MDGA2: variants seen among roughly 807,000 people sequenced by gnomAD.
MDGA2 encodes the protein MAM domain-containing glycosylphosphatidylinositol anchor protein 2.
In MDGA2, 40 loss-of-function variants were observed where a neutral mutation model predicts 117.8. That is an observed-to-expected ratio of 0.34 (90% CI 0.26 to 0.44). The LOEUF (loss-of-function observed/expected upper bound fraction) is 0.44, where lower values mean the gene tolerates loss of function less well. Ranked by LOEUF, MDGA2 falls within the 20% of genes least tolerant of loss-of-function variation. MDGA2 has a pLI of 1.00. For synonymous variants in MDGA2, 452 were observed against 439.0 expected, an observed-to-expected ratio of 1.03 and a Z score of -0.37; for missense variants, 1,123 against 1,250.6, an observed-to-expected ratio of 0.90 and a Z score of 1.54.
Position 47,240,612 on chromosome 14 carries a change from A to G in MDGA2, c.421-22417T>C, listed in dbSNP as rs558740341. ...ACGTGGTATGGGAGTGGAGAGAAAAAGAAGTATTTGAAAAGAAGTCTCAGA... is the reference window on the plus strand; with the variant it reads ...ACGTGGTATGGGAGTGGAGAGAAAAGGAAGTATTTGAAAAGAAGTCTCAGA... On this transcript the variant is annotated intron_variant, in intron 2 of 16. Coordinates refer to ENST00000399232, the MANE Select transcript of MDGA2 (RefSeq NM_001113498.3). 2.6e-5 allele frequency among the ~76,000 whole-genome samples: 4 copies of G among 151,892 alleles called. 1 individual carries two copies. The highest frequency in any genetic ancestry group is 5.9e-5 in the Non-Finnish European group (4 of 67,836).
chr14:47,123,556 C>T (rs1881754281), intron 5 of MDGA2, among the ~76,000 whole-genome samples: 1 of 151,918 alleles, frequency 6.6e-6, no homozygotes, highest in Admixed American at 6.6e-5. Flanking sequence ...ACAACCACAA[C>T]CTTGCAAGTT....
chr14:46,917,344 C>T (rs1057328549), intron 10 of MDGA2, among the ~76,000 whole-genome samples: 2 of 152,088 alleles, frequency 1.3e-5, no homozygotes. Flanking sequence ...TAAGAATTGC[C>T]ATAACTGTTT....
At position 47,165,955 on chromosome 14, in the gene MDGA2, A is replaced by G. The variant is rs563542673; in HGVS notation, c.596-21681T>C. Among the ~76,000 whole-genome samples the G allele has an allele frequency of 8.6e-5, 13 of 151,406 alleles. No homozygotes were observed. The South Asian group carries it at 2.3e-3, about 27-fold the overall frequency. ...TAGTGGCTAAATATGAGATAATTCC[A>G]TTTTTTGAAGGCTCATATACACCTA... is the stretch of plus-strand genomic sequence containing the variant. On this transcript the variant is annotated intron_variant, in intron 3 of 16. Coordinates refer to ENST00000399232, the MANE Select transcript of MDGA2 (RefSeq NM_001113498.3).
At chr14:47,034,898 A>T (rs1453078540) in intron 8 of MDGA2, 113 bp downstream of exon 8, 1 of 895,462 alleles carries the variant, frequency 1.1e-6, no homozygotes, top group Non-Finnish European at 1.7e-6. Context: ...GTAGAAATGT[A>T]GAAATAGTTC....
chr14:47,083,160 A>G (rs1052773153), intron 6 of MDGA2, among the ~76,000 whole-genome samples: 2 of 151,992 alleles, frequency 1.3e-5, no homozygotes, highest in South Asian at 2.1e-4. Flanking sequence ...AAAAGTAAAT[A>G]TCTGCAGAAA....
At chr14:47,164,043 T>C (rs1468588358) in intron 3 of MDGA2, among the ~76,000 whole-genome samples, 7 of 152,246 alleles carry the variant, frequency 4.6e-5, no homozygotes, top group African/African-American at 1.7e-4. Flanking sequence ...AGCAATTCTA[T>C]AAAGTTCACT....
Position 47,097,035 on chromosome 14 carries a change from T to G in MDGA2, c.1014A>C (p.Gly338=). The G allele has an allele frequency of 1.2e-6, 2 of 1,613,360 alleles. No individual in the cohort carries two copies. The highest frequency in any genetic ancestry group is 1.7e-6 in the Non-Finnish European group (2 of 1,179,490). The stretch of plus-strand genomic sequence containing the variant: ...CCCAGGTGAGAGAAGGTGCAGGCTC[T>G]CCTCCTGTTGTAACACATACTAATG... ...AITLVCVTTG[G]EPAPSLTWVR... The change falls in exon 6 of 17, where the codon GGA becomes GGC. Residue 338 remains glycine (G), a synonymous_variant. Transcript: ENST00000399232.
intron 8 of MDGA2, among the ~76,000 whole-genome samples, chr14:46,980,955 C>T (rs192650733): frequency 4.4e-4 from 67 of 152,292 alleles, no homozygotes; most frequent in African/African-American, 1.4e-3. Flanking sequence ...TGGAACTGAA[C>T]TCCCAATATC....
chr14:47,350,318 T>C (rs565539262), intron 1 of MDGA2, among the ~76,000 whole-genome samples: 67 of 152,238 alleles, frequency 4.4e-4, no homozygotes, highest in African/African-American at 1.5e-3. Context: ...GGTGGAGTAA[T>C]ATTAAAGTAA....
At chr14:47,056,076 T>G (rs891795072) in intron 7 of MDGA2, among the ~76,000 whole-genome samples, 6 of 152,160 alleles carry the variant, frequency 3.9e-5, no homozygotes, top group African/African-American at 1.4e-4. Context: ...GTCTTATGAC[T>G]TCTACTTACA....
chr14:46,891,789 T>C (rs1882893884), intron 10 of MDGA2, among the ~76,000 whole-genome samples: 1 of 151,510 alleles, frequency 6.6e-6, no homozygotes, highest in Non-Finnish European at 1.5e-5. Context: ...AAGCATTTCC[T>C]TATTATTGGA....
At chr14:47,346,621 C>T (rs1317207566) in intron 1 of MDGA2, among the ~76,000 whole-genome samples, 1 of 152,128 alleles carries the variant, frequency 6.6e-6, no homozygotes, top group African/African-American at 2.4e-5. Context: ...TATGAGAATA[C>T]TTTACATATT....
At chr14:47,442,410 G>A (rs560462704) in intron 1 of MDGA2, among the ~76,000 whole-genome samples, 2 of 152,182 alleles carry the variant, frequency 1.3e-5, no homozygotes, top group East Asian at 3.9e-4. Flanking sequence ...CAGGACAGGA[G>A]TTTCCAGCAC....
intron 1 of MDGA2, among the ~76,000 whole-genome samples, chr14:47,446,802 G>A (rs746796098): frequency 1.2e-4 from 19 of 152,004 alleles, no homozygotes; most frequent in Non-Finnish European, 2.2e-4. Flanking sequence ...AAGACAGGGT[G>A]GGGGAGATCA....
At chr14:47,635,721 T>G (rs1346870058) in intron 1 of MDGA2, among the ~76,000 whole-genome samples, 4 of 152,310 alleles carry the variant, frequency 2.6e-5, no homozygotes, top group Admixed American at 1.3e-4. Context: ...TCAATGGTCC[T>G]TAAAATCAGA....
chr14:47,383,164 T>A (rs1249639655), intron 1 of MDGA2, among the ~76,000 whole-genome samples: 1 of 152,074 alleles, frequency 6.6e-6, no homozygotes, highest in African/African-American at 2.4e-5. Flanking sequence ...TGAGAACACT[T>A]GGACACAGGA....
chr14:47,541,866 T>G (rs1895359605), intron 1 of MDGA2, among the ~76,000 whole-genome samples: 1 of 152,208 alleles, frequency 6.6e-6, no homozygotes, highest in African/African-American at 2.4e-5. Context: ...GCAGCCTGAA[T>G]CTGTCTTCTG....
chr14:47,157,058 C>A (rs907164467), intron 3 of MDGA2, among the ~76,000 whole-genome samples: 1 of 152,104 alleles, frequency 6.6e-6, no homozygotes, highest in African/African-American at 2.4e-5. Flanking sequence ...AAGAACAAAG[C>A]ATCAATATAA....
chr14:47,484,246 A>T (rs116178530), intron 1 of MDGA2, among the ~76,000 whole-genome samples: 42,366 of 151,250 alleles, frequency 0.28, 6,303 homozygotes, highest in South Asian at 0.53. Context: ...GAATTAAAAA[A>T]ACACATATAT....
Sources: gnomAD v4.1 joint callset for allele counts (sites outside exome capture counted in the v4.1 genomes callset) on GRCh38, gnomAD v4.1.1 for gene constraint, MANE v1.5 for transcripts, NCBI Gene and HGNC (gene_info 2026-07-23, HGNC 2026-07-21) for gene names.